Variants in SOX30 observed in about 807,000 individuals in gnomAD.
SOX30 encodes transcription factor SOX-30.
In SOX30, 17 loss-of-function variants were observed where a neutral mutation model predicts 58.6. The observed-to-expected ratio is 0.29, with a 90% CI of 0.20 to 0.44. SOX30 has a LOEUF of 0.44. SOX30 is among the 20% of genes least tolerant of loss of function. SOX30 has a pLI of 1.00. For synonymous variants in SOX30, 421 were observed against 400.2 expected, an observed-to-expected ratio of 1.05 and a Z score of -0.62; for missense variants, 951 against 965.8, an observed-to-expected ratio of 0.98 and a Z score of 0.20.
chr5:157,640,000 C>T (rs1171863739), intron 3 of SOX30, among the ~76,000 whole-genome samples: 1 of 152,172 alleles, frequency 6.6e-6, no homozygotes, highest in African/African-American at 2.4e-5. Context: ...ATGATGCTGC[C>T]CTGATTTTCA....
chr5:157,637,843 G>A (rs1459737063), intron 4 of SOX30, among the ~76,000 whole-genome samples: 1 of 151,964 alleles, frequency 6.6e-6, no homozygotes, highest in Non-Finnish European at 1.5e-5. Flanking sequence ...ACAGGCACGT[G>A]CCACCACGCC....
chr5:157,638,176 G>T (rs534889707), intron 4 of SOX30, 54 bp downstream of exon 4: 3 of 1,473,472 alleles, frequency 2.0e-6, no homozygotes, highest in Non-Finnish European at 9.1e-7. Flanking sequence ...GTTGTCACAG[G>T]TAAAAACTCA....
At chr5:157,645,662 GAAA>G (rs370048560) in intron 3 of SOX30, among the ~76,000 whole-genome samples, 3 of 134,800 alleles carry the variant, frequency 2.2e-5, no homozygotes, top group Admixed American at 1.5e-4. Context: ...ACCCTGTCTG[GAAA>G]AAAAAAAAAA....
At chr5:157,639,468 G>GCC (rs1211717229) in intron 3 of SOX30, among the ~76,000 whole-genome samples, 2 of 151,948 alleles carry the variant, frequency 1.3e-5, no homozygotes, top group Non-Finnish European at 2.9e-5. Context: ...GAATACGAAA[G>GCC]GAAATTTCCA....
At chr5:157,642,525 T>C (rs575154250) in intron 3 of SOX30, among the ~76,000 whole-genome samples, 3 of 152,078 alleles carry the variant, frequency 2.0e-5, no homozygotes, top group South Asian at 2.1e-4. Context: ...AAAAGGCTGA[T>C]AGAGATTAAA....
intron 4 of SOX30, among the ~76,000 whole-genome samples, chr5:157,631,767 A>G: frequency 6.7e-6 from 1 of 148,288 alleles, no homozygotes; most frequent in African/African-American, 2.5e-5. Flanking sequence ...CTCGTCTCAA[A>G]AAAAAAAAAA....
At chr5:157,649,358 G>A (rs961309529) in intron 1 of SOX30, among the ~76,000 whole-genome samples, 3 of 152,170 alleles carry the variant, frequency 2.0e-5, no homozygotes, top group Admixed American at 2.0e-4. Flanking sequence ...TGCTGCTCTT[G>A]TGTCCTTTCA....
chr5:157,645,364 A>G (rs1342929435), intron 3 of SOX30, among the ~76,000 whole-genome samples: 1 of 152,134 alleles, frequency 6.6e-6, no homozygotes, highest in South Asian at 2.1e-4. Flanking sequence ...ACGCAGTCTT[A>G]GTAGGTTTAA....
chr5:157,648,141 G>A (rs1759240626), intron 2 of SOX30, among the ~76,000 whole-genome samples: 1 of 152,132 alleles, frequency 6.6e-6, no homozygotes, highest in Non-Finnish European at 1.5e-5. Flanking sequence ...TAATCCCAAT[G>A]TTCCCACTGC....
chr5:157,643,451 T>A (rs1040536859), intron 3 of SOX30, among the ~76,000 whole-genome samples: 51 of 151,912 alleles, frequency 3.4e-4, no homozygotes, highest in Admixed American at 1.0e-3. Context: ...TATTAAAAAA[T>A]TTTTTTAAAA....
intron 3 of SOX30, among the ~76,000 whole-genome samples, chr5:157,642,733 G>A (rs982158340): frequency 1.8e-4 from 27 of 151,930 alleles, no homozygotes; most frequent in African/African-American, 4.6e-4. Flanking sequence ...GCCCAACTGC[G>A]GTGAGGCAAA....
chr5:157,637,869 T>C (rs547704308), intron 4 of SOX30, among the ~76,000 whole-genome samples: 1 of 152,256 alleles, frequency 6.6e-6, no homozygotes, highest in East Asian at 1.9e-4. Context: ...AATTTTTGTA[T>C]TTTTAGTAGA....
chr5:157,635,865 T>C (rs1460562035), intron 4 of SOX30, among the ~76,000 whole-genome samples: 1 of 152,230 alleles, frequency 6.6e-6, no homozygotes, highest in African/African-American at 2.4e-5. Context: ...GATTCTCTGC[T>C]AGCAACTAAC....
At chr5:157,649,024 A>C (rs1759264455) in intron 1 of SOX30, 128 bp from the exon 2 acceptor site, 2 of 1,194,518 alleles carry the variant, frequency 1.7e-6, no homozygotes. Context: ...ACTTCAATAT[A>C]ACCAAAAAAA....
intron 4 of SOX30, among the ~76,000 whole-genome samples, chr5:157,630,845 T>C (rs1195418735): frequency 7.9e-6 from 1 of 126,612 alleles, no homozygotes; most frequent in Non-Finnish European, 1.6e-5. Context: ...ATATACATTA[T>C]ATATATATTA....
chr5:157,670,043 A>T (rs1048669954), intron 1 of SOX30, among the ~76,000 whole-genome samples: 3 of 152,216 alleles, frequency 2.0e-5, no homozygotes, highest in Non-Finnish European at 4.4e-5. Flanking sequence ...GGAAGCCTAA[A>T]TGCTAAGGGA....
chr5:157,667,750 A>G (rs1386609499), intron 2 of SOX30: 4 of 1,422,388 alleles, frequency 2.8e-6, no homozygotes, highest in East Asian at 2.7e-5. Flanking sequence ...GAATACATAC[A>G]TACATACATA....
intron 1 of SOX30, 97 bp downstream of exon 1, chr5:157,651,015 C>CT: frequency 1.1e-6 from 1 of 921,886 alleles, no homozygotes; most frequent in South Asian, 1.7e-5. Context: ...AGTTCCATTA[C>CT]TTTACTTTTG....
intron 4 of SOX30, among the ~76,000 whole-genome samples, chr5:157,630,341 A>G (rs541260479): frequency 2.5e-4 from 38 of 152,212 alleles, no homozygotes; most frequent in African/African-American, 8.9e-4. Context: ...TGAATGCCCT[A>G]CTTTCTTGTT....
Sources: gnomAD v4.1 joint callset for allele counts (sites outside exome capture counted in the v4.1 genomes callset) on GRCh38, gnomAD v4.1.1 for gene constraint, MANE v1.5 for transcripts, NCBI Gene and HGNC (gene_info 2026-07-23, HGNC 2026-07-21) for gene names.